The following MCM9 variants were observed in gnomAD, a reference collection of about 807,000 sequenced individuals.
MCM9 encodes DNA helicase MCM9.
MCM9 carries 55 observed loss-of-function variants against 72.8 expected under a neutral mutation model. That is an observed-to-expected ratio of 0.76 (90% CI 0.61 to 0.95). The LOEUF (loss-of-function observed/expected upper bound fraction) is 0.95. Ranked by LOEUF, MCM9 falls within the 40% of genes least tolerant of loss-of-function variation. MCM9 has a pLI of 0.00. For synonymous variants in MCM9, 480 were observed against 503.4 expected, an observed-to-expected ratio of 0.95 and a Z score of 0.62; for missense variants, 1,279 against 1,377.0, an observed-to-expected ratio of 0.93 and a Z score of 1.13.
chr6:118,872,408 T>C (rs1417356542), intron 8 of MCM9, among the ~76,000 whole-genome samples: 1 of 151,372 alleles, frequency 6.6e-6, no homozygotes, highest in Non-Finnish European at 1.5e-5. Flanking sequence ...TAACACATGG[T>C]TCAAAGAAGA....
chr6:118,900,131 G>A (rs1211789227), intron 8 of MCM9, among the ~76,000 whole-genome samples: 1 of 152,176 alleles, frequency 6.6e-6, no homozygotes, highest in Non-Finnish European at 1.5e-5. Context: ...TAAAGATCTT[G>A]GTTTCCTCTG....
At chr6:118,867,272 G>A (rs1219471240) in intron 8 of MCM9, among the ~76,000 whole-genome samples, 2 of 152,128 alleles carry the variant, frequency 1.3e-5, no homozygotes, top group Non-Finnish European at 1.5e-5. Context: ...CATCAACAGT[G>A]GTCCCATAAA....
chr6:118,890,697 T>A (rs1778886916), intron 8 of MCM9, among the ~76,000 whole-genome samples: 1 of 152,212 alleles, frequency 6.6e-6, no homozygotes, highest in African/African-American at 2.4e-5. Flanking sequence ...TAGAAATGTC[T>A]ATGAACTCCA....
rs138739839 is a variant in MCM9 at position 118,852,872 on chromosome 6, A to G, written c.1325+3499T>C. Among the ~76,000 whole-genome samples, 764 of 152,292 alleles carry G rather than the reference A, an allele frequency of 5.0e-3. 10 individuals carry two copies. Among genetic ancestry groups the G allele is most frequent in the East Asian group, 0.034 (178 of 5,186 alleles). On this transcript the variant is annotated intron_variant, in intron 9 of 13. Coordinates refer to ENST00000619706, the MANE Select transcript of MCM9 (RefSeq NM_017696.3). ...ACAGTTTAGCCTTTTGTAGCATTTC[A>G]TATAAATGGAATAACAAACTATATA...
chr6:118,856,965 G>C (rs1409914646), intron 8 of MCM9, among the ~76,000 whole-genome samples: 1 of 152,212 alleles, frequency 6.6e-6, no homozygotes, highest in Non-Finnish European at 1.5e-5. Context: ...ACTTTTATTT[G>C]CAGTTAACCA....
chr6:118,919,542 C>T (rs1781263336), intron 5 of MCM9: 1 of 152,184 alleles, frequency 6.6e-6, no homozygotes, highest in South Asian at 2.1e-4. Context: ...TAATTAATAC[C>T]TTTAAAAGCC....
Position 118,829,145 on chromosome 6 carries a change from G to A in MCM9, c.1431C>T (p.Ser477=). 2 of 1,550,540 alleles carry A rather than the reference G, an allele frequency of 1.3e-6. No homozygotes were observed. Among genetic ancestry groups the A allele is most frequent in the Non-Finnish European group, 1.7e-6 (2 of 1,146,996 alleles). Residue 477 remains serine, a synonymous_variant, in exon 10 of 14, where the codon AGC becomes AGT. Coordinates refer to ENST00000619706, the MANE Select transcript of MCM9 (RefSeq NM_017696.3). The part of the protein sequence containing the change: ...ESVSVNIALG[S]PLLSRFDLIL... ...TCAGGTCAAATCGACTTAAGAGTGGGCTGCCGAGGGCAATGTTCACAGACA... is the reference window on the plus strand; with the variant it reads ...TCAGGTCAAATCGACTTAAGAGTGGACTGCCGAGGGCAATGTTCACAGACA...
At chr6:118,909,410 C>T (rs886284686) in intron 8 of MCM9, among the ~76,000 whole-genome samples, 3 of 152,118 alleles carry the variant, frequency 2.0e-5, no homozygotes, top group Admixed American at 6.5e-5. Flanking sequence ...AATTTTATCA[C>T]TCTAAGAATT....
intron 8 of MCM9, among the ~76,000 whole-genome samples, chr6:118,894,789 G>C (rs1425390125): frequency 6.6e-6 from 1 of 152,222 alleles, no homozygotes; most frequent in Non-Finnish European, 1.5e-5. Flanking sequence ...TTGTCTGCGG[G>C]CGGGCAGCTC....
intron 9 of MCM9, among the ~76,000 whole-genome samples, chr6:118,855,977 G>A (rs1430218511): frequency 6.6e-6 from 1 of 152,108 alleles, no homozygotes; most frequent in East Asian, 1.9e-4. Flanking sequence ...GATTTATAAG[G>A]AGAATGCTGG....
rs145363704 is a variant in MCM9, at chr6:118,866,687, G to A, written c.1151-10142C>T. 5.7e-3 allele frequency among the ~76,000 whole-genome samples: 866 copies of A among 152,188 alleles called. 8 individuals carry two copies. The highest frequency in any genetic ancestry group is 0.019 in the African/African-American group (795 of 41,528). On this transcript the variant is annotated intron_variant, in intron 8 of 13. Transcript: ENST00000619706. ...TGAAGGTAGCTCAAGCAATTTATGG[G>A]GCACCATCAGGTAAAACAACTTACG...
intron 8 of MCM9, among the ~76,000 whole-genome samples, chr6:118,895,309 A>C (rs1158651096): frequency 3.3e-5 from 5 of 152,060 alleles, no homozygotes; most frequent in Non-Finnish European, 7.4e-5. Context: ...TCCCCAACCA[A>C]CGTGGACTCC....
intron 3 of MCM9, among the ~76,000 whole-genome samples, chr6:118,924,924 G>T (rs1781759917): frequency 6.6e-6 from 1 of 152,096 alleles, no homozygotes; most frequent in Middle Eastern, 3.4e-3. Flanking sequence ...CATGCCTATA[G>T]CCCCAGCAAC....
chr6:118,898,113 G>T (rs1045024528), intron 8 of MCM9, among the ~76,000 whole-genome samples: 1 of 152,164 alleles, frequency 6.6e-6, no homozygotes, highest in Non-Finnish European at 1.5e-5. Context: ...CAGAGGCATA[G>T]CTTGGATTCT....
intron 9 of MCM9, among the ~76,000 whole-genome samples, chr6:118,843,648 A>ATATATATATATACACG (rs1775574926): frequency 1.5e-5 from 1 of 68,528 alleles, no homozygotes; most frequent in Non-Finnish European, 2.8e-5. Flanking sequence ...AAACATATAT[A>ATATATATATATACACG]TATATATGTG....
intron 8 of MCM9, among the ~76,000 whole-genome samples, chr6:118,884,535 T>C (rs1252507628): frequency 4.0e-5 from 6 of 151,708 alleles, no homozygotes; most frequent in Non-Finnish European, 8.8e-5. Flanking sequence ...ACTTGAGACA[T>C]ATAGAAGACA....
intron 8 of MCM9, among the ~76,000 whole-genome samples, chr6:118,904,199 C>A (rs1780006003): frequency 6.6e-6 from 1 of 152,114 alleles, no homozygotes; most frequent in Non-Finnish European, 1.5e-5. Context: ...TAGGAGATGA[C>A]ATGAATTCAG....
intron 9 of MCM9, among the ~76,000 whole-genome samples, chr6:118,831,045 A>G (rs927487124): frequency 2.5e-4 from 38 of 152,208 alleles, no homozygotes; most frequent in Non-Finnish European, 5.9e-5. Context: ...TGAACACAGA[A>G]AGAAGGTGGT....
chr6:118,925,454 T>C (rs757184633), intron 3 of MCM9, among the ~76,000 whole-genome samples: 3 of 152,186 alleles, frequency 2.0e-5, no homozygotes, highest in Non-Finnish European at 2.9e-5. Flanking sequence ...GTTTAGGAAG[T>C]ATGAGGGGAA....
Sources: gnomAD v4.1 joint callset for allele counts (sites outside exome capture counted in the v4.1 genomes callset) on GRCh38, gnomAD v4.1.1 for gene constraint, MANE v1.5 for transcripts, NCBI Gene and HGNC (gene_info 2026-07-23, HGNC 2026-07-21) for gene names.